The following CERS6 variants were observed in gnomAD, a reference collection of about 807,000 sequenced individuals.
CERS6 encodes ceramide synthase 6, also known as LAG1 homolog, ceramide synthase 6.
CERS6 carries 26 observed loss-of-function variants against 56.8 expected under a neutral mutation model. That is an observed-to-expected ratio of 0.46 (90% CI 0.34 to 0.63). The LOEUF (loss-of-function observed/expected upper bound fraction) is 0.63, where lower values mean the gene tolerates loss of function less well. CERS6 is among the 30% of genes least tolerant of loss of function. The pLI, the probability that CERS6 is intolerant of heterozygous loss-of-function variation, is 0.01. For synonymous variants in CERS6, 164 were observed against 173.3 expected, an observed-to-expected ratio of 0.95 and a Z score of 0.42; for missense variants, 415 against 467.5, an observed-to-expected ratio of 0.89 and a Z score of 1.04.
intron 3 of CERS6, among the ~76,000 whole-genome samples, chr2:168,567,731 C>CA (rs1416545202): frequency 1.3e-5 from 2 of 152,160 alleles, no homozygotes; most frequent in Non-Finnish European, 2.9e-5. Flanking sequence ...CACAGTCATC[C>CA]ATTTCTCAGA....
chr2:168,738,289 C>G (rs1226476325), intron 8 of CERS6, among the ~76,000 whole-genome samples: 1 of 152,194 alleles, frequency 6.6e-6, no homozygotes, highest in Non-Finnish European at 1.5e-5. Context: ...AGGTGTGAAT[C>G]AGCTTGGCTC....
chr2:168,699,409 A>C (rs937470870), intron 6 of CERS6, among the ~76,000 whole-genome samples: 3 of 152,212 alleles, frequency 2.0e-5, no homozygotes, highest in African/African-American at 7.2e-5. Context: ...CCCATATTAA[A>C]TAACAATGAG....
At chr2:168,641,894 T>TA (rs5836193) in intron 4 of CERS6, among the ~76,000 whole-genome samples, 6 of 147,816 alleles carry the variant, frequency 4.1e-5, no homozygotes, top group African/African-American at 1.5e-4. Context: ...AGTAATGGAA[T>TA]AAAAAAAAAA....
At chr2:168,725,803 A>G (rs915790068) in intron 8 of CERS6, among the ~76,000 whole-genome samples, 8 of 152,226 alleles carry the variant, frequency 5.3e-5, no homozygotes, top group African/African-American at 1.9e-4. Context: ...TTTCTCTTGT[A>G]TTTAAATTTT....
intron 1 of CERS6, among the ~76,000 whole-genome samples, chr2:168,458,492 T>A (rs1255944256): frequency 6.6e-6 from 1 of 152,244 alleles, no homozygotes; most frequent in African/African-American, 2.4e-5. Context: ...ATTTTTCCTC[T>A]TTCTAAACAT....
chr2:168,558,371 A>G (rs554132285), intron 2 of CERS6, among the ~76,000 whole-genome samples: 1 of 152,356 alleles, frequency 6.6e-6, no homozygotes, highest in East Asian at 1.9e-4. Context: ...AGCAGAATGG[A>G]TAAGTAAATT....
chr2:168,547,179 C>T (rs1048058891), intron 1 of CERS6, among the ~76,000 whole-genome samples: 5 of 152,194 alleles, frequency 3.3e-5, no homozygotes, highest in Admixed American at 1.3e-4. Flanking sequence ...TCAAAGCGCT[C>T]TCTCTGCATG....
At chr2:168,536,255 G>C (rs1000852238) in intron 1 of CERS6, among the ~76,000 whole-genome samples, 44 of 152,138 alleles carry the variant, frequency 2.9e-4, no homozygotes, top group Non-Finnish European at 1.0e-4. Context: ...TTTGATCAGA[G>C]TTCTGTACTG....
At chr2:168,695,437 A>G (rs901570892) in intron 6 of CERS6, among the ~76,000 whole-genome samples, 1 of 152,098 alleles carries the variant, frequency 6.6e-6, no homozygotes, top group African/African-American at 2.4e-5. Flanking sequence ...TAATTCCCCA[A>G]TTGCAGGGTT....
chr2:168,557,688 A>G (rs971756011), intron 2 of CERS6, among the ~76,000 whole-genome samples: 6 of 152,182 alleles, frequency 3.9e-5, no homozygotes, highest in Non-Finnish European at 8.8e-5. Context: ...TATTAAAAGG[A>G]AACCTGGGAG....
intron 7 of CERS6, 110 bp from the exon 8 acceptor site, chr2:168,717,762 A>AGT: frequency 1.5e-6 from 1 of 672,298 alleles, no homozygotes; most frequent in Non-Finnish European, 2.5e-6. Context: ...AAATGCAGGC[A>AGT]ATTTTATGCA....
intron 1 of CERS6, among the ~76,000 whole-genome samples, chr2:168,457,504 C>G (rs949862108): frequency 6.6e-6 from 1 of 152,142 alleles, no homozygotes; most frequent in Non-Finnish European, 1.5e-5. Flanking sequence ...CATGCATTCT[C>G]TGGGTGCTAC....
chr2:168,728,485 G>T (rs1683416729), intron 8 of CERS6, among the ~76,000 whole-genome samples: 1 of 148,874 alleles, frequency 6.7e-6, no homozygotes, highest in African/African-American at 2.5e-5. Flanking sequence ...TGCCTCCTGG[G>T]TTCAAGTGAT....
chr2:168,600,204 C>CTCTCTG (rs1683899503), intron 3 of CERS6, among the ~76,000 whole-genome samples: 1 of 149,106 alleles, frequency 6.7e-6, no homozygotes, highest in Non-Finnish European at 1.5e-5. Flanking sequence ...CTCTCTCTCT[C>CTCTCTG]TCTCTCTTTT....
intron 1 of CERS6, among the ~76,000 whole-genome samples, chr2:168,515,199 A>G (rs1271248732): frequency 6.6e-6 from 1 of 152,220 alleles, no homozygotes; most frequent in East Asian, 1.9e-4. Flanking sequence ...TATTTTAAGA[A>G]TTGCAAGAGA....
chr2:168,542,696 T>TG, intron 1 of CERS6, among the ~76,000 whole-genome samples: 1 of 61,322 alleles, frequency 1.6e-5, no homozygotes, highest in African/African-American at 3.3e-5. Flanking sequence ...TTCTTTTTTT[T>TG]GGGGGGTGTT....
chr2:168,721,711 T>C (rs933782), intron 8 of CERS6, among the ~76,000 whole-genome samples: 46,424 of 151,240 alleles, frequency 0.31, 7,887 homozygotes, highest in East Asian at 0.51. Flanking sequence ...CTTGAACTCC[T>C]GGGCTCAAGT....
intron 1 of CERS6, among the ~76,000 whole-genome samples, chr2:168,473,607 CATTA>C (rs1382436178): frequency 1.3e-5 from 2 of 152,078 alleles, no homozygotes; most frequent in African/African-American, 2.4e-5. Flanking sequence ...CATTATCTAA[CATTA>C]ATGCTACAAA....
intron 1 of CERS6, among the ~76,000 whole-genome samples, chr2:168,525,878 A>T (rs904934574): frequency 6.6e-6 from 1 of 152,186 alleles, no homozygotes; most frequent in Non-Finnish European, 1.5e-5. Flanking sequence ...TGAGTCTACC[A>T]CTGAGCTTTA....
Sources: allele counts gnomAD v4.1 joint callset (sites outside exome capture counted in the v4.1 genomes callset), GRCh38; gene constraint gnomAD v4.1.1; transcripts MANE v1.5; gene names NCBI Gene and HGNC (gene_info 2026-07-23, HGNC 2026-07-21).